Variants in YEATS2 observed in about 807,000 individuals in gnomAD.
The protein encoded by YEATS2 is YEATS domain-containing protein 2.
In YEATS2, 77 loss-of-function variants were observed where a neutral mutation model predicts 163.2. That is an observed-to-expected ratio of 0.47 (90% CI 0.39 to 0.57). YEATS2 has a LOEUF of 0.57. YEATS2 is among the 20% of genes least tolerant of loss of function. The pLI, the probability that YEATS2 is intolerant of heterozygous loss-of-function variation, is 0.00. For missense variants in YEATS2, 1,549 were observed against 1,729.8 expected (o/e 0.90, Z 1.85); for synonymous variants, 631 against 645.1 (o/e 0.98, Z 0.33).
chr3:183,729,271 CAA>C (rs879414886), intron 7 of YEATS2, among the ~76,000 whole-genome samples: 16 of 104,082 alleles, frequency 1.5e-4, no homozygotes, highest in Admixed American at 2.0e-4. Context: ...GACTCTGTCT[CAA>C]AAAAAAAAAA....
chr3:183,789,786 G>A (rs550362858), intron 20 of YEATS2, among the ~76,000 whole-genome samples: 9 of 151,496 alleles, frequency 5.9e-5, no homozygotes, highest in African/African-American at 1.9e-4. Flanking sequence ...TGATCCACCC[G>A]CTTTGGCCTC....
intron 11 of YEATS2, 146 bp downstream of exon 11, chr3:183,754,511 T>C: frequency 8.6e-7 from 1 of 1,166,342 alleles, no homozygotes; most frequent in Non-Finnish European, 1.1e-6. Context: ...TCACTGTTGA[T>C]TGGCAAAGCT....
rs142793414 is a variant in YEATS2 at position 183,789,693 on chromosome 3, G to A, written c.2914-1104G>A. 0.013 allele frequency among the ~76,000 whole-genome samples: 1,745 copies of A among 134,950 alleles called. 66 individuals are homozygous for A. The East Asian group carries it at 0.16, about 13-fold the overall frequency. 88.5% of individuals were successfully genotyped at this position (134,950 alleles called of 152,430 possible). A position where few individuals can be genotyped will look rare whatever the true frequency, so the allele number is the denominator to read the frequency against. On this transcript the variant is annotated intron_variant, in intron 20 of 30. Transcript: ENST00000305135. Reference sequence around the variant, plus strand: ...TGAGATTACAGGCACCCACCACCACGCCCAGCTAATTTTTTTTTTTTTGTA... The same window carrying A: ...TGAGATTACAGGCACCCACCACCACACCCAGCTAATTTTTTTTTTTTTGTA...
At chr3:183,758,506 T>C (rs1450452106) in intron 12 of YEATS2, among the ~76,000 whole-genome samples, 1 of 152,092 alleles carries the variant, frequency 6.6e-6, no homozygotes, top group Non-Finnish European at 1.5e-5. Context: ...GTATGAGGAG[T>C]AGAACATACA....
chr3:183,733,874 G>A (rs1052502408), intron 7 of YEATS2, among the ~76,000 whole-genome samples: 5 of 151,976 alleles, frequency 3.3e-5, no homozygotes, highest in African/African-American at 1.2e-4. Context: ...AGATAGTGGT[G>A]ACTAGATATG....
intron 15 of YEATS2, among the ~76,000 whole-genome samples, chr3:183,763,006 G>A (rs1375238853): frequency 1.3e-5 from 2 of 151,748 alleles, no homozygotes; most frequent in Non-Finnish European, 2.9e-5. Flanking sequence ...AGCTGAGATC[G>A]CGGCACTGCA....
Position 183,730,052 on chromosome 3 carries a change from G to GTTTTTTTTT in YEATS2, c.812+1228_812+1236dup, listed in dbSNP as rs869091775. Among the ~76,000 whole-genome samples, 53 of 41,712 alleles carry GTTTTTTTTT rather than the reference G, an allele frequency of 1.3e-3. 6 individuals are homozygous for GTTTTTTTTT. The highest frequency in any genetic ancestry group is 1.6e-3 in the Non-Finnish European group (37 of 22,806). 27.4% of individuals were successfully genotyped at this position (41,712 alleles called of 152,430 possible). Reference sequence around the variant, plus strand: ...ATATTAATTGTGTGGTTTTTTGTTTGTTTTTTTTTTTTTTTTTTTTTTTTT... The same window carrying GTTTTTTTTT: ...ATATTAATTGTGTGGTTTTTTGTTTGTTTTTTTTTTTTTTTTTTTTTTTTTTTTTTTTTT... On this transcript the variant is annotated intron_variant, in intron 7 of 30. Transcript: ENST00000305135.
chr3:183,722,276 ATCTTT>A, intron 5 of YEATS2, 140 bp downstream of exon 5: 2 of 584,270 alleles, frequency 3.4e-6, no homozygotes, highest in Non-Finnish European at 4.8e-6. Flanking sequence ...GGGAAACCAA[ATCTTT>A]TTTTTTTTTT....
In YEATS2 at chr3:183,806,831, C is replaced by T. The variant is rs768386745; in HGVS notation, c.3785-35C>T. On this transcript the variant is annotated intron_variant, in intron 27 of 30. Coordinates refer to ENST00000305135, the MANE Select transcript of YEATS2 (RefSeq NM_018023.5). ...ACGGAAAGTCCTCTTCCGTTGGCCCCACAGCTGTTGTAACACTGCTTGCCT... is the reference window on the plus strand; with the variant it reads ...ACGGAAAGTCCTCTTCCGTTGGCCCTACAGCTGTTGTAACACTGCTTGCCT... 2 of 1,610,572 alleles carry T rather than the reference C, an allele frequency of 1.2e-6. 1 individual carries two copies. Among genetic ancestry groups the T allele is most frequent in the South Asian group, 2.2e-5 (2 of 90,830 alleles).
chr3:183,701,461 A>C (rs1032275523), intron 1 of YEATS2, among the ~76,000 whole-genome samples: 66 of 152,104 alleles, frequency 4.3e-4, no homozygotes, highest in African/African-American at 1.5e-3. Context: ...GCCGTAGGTC[A>C]TTGCAGCCTT....
intron 9 of YEATS2, among the ~76,000 whole-genome samples, chr3:183,749,470 G>A (rs924380575): frequency 6.6e-6 from 1 of 151,978 alleles, no homozygotes; most frequent in Non-Finnish European, 1.5e-5. Context: ...GGCAACTGCT[G>A]CTCTACTTTC....
Position 183,810,717 on chromosome 3 carries a change from T to C in YEATS2, c.*134T>C. The C allele has an allele frequency of 1.4e-6, 1 of 711,696 alleles. No homozygotes were observed. Among genetic ancestry groups the C allele is most frequent in the Non-Finnish European group, 2.4e-6 (1 of 413,772 alleles). The allele number at this position is 711,696 out of a possible 1,614,324, so 44.1% of individuals were successfully genotyped here. A position where few individuals can be genotyped will look rare whatever the true frequency, so the allele number is the denominator to read the frequency against. ...TGGCTACCCAACCTTTGCCGCTGCCTGTTCCCACGTGTCACCAGCACGCTG... is the reference window on the plus strand; with the variant it reads ...TGGCTACCCAACCTTTGCCGCTGCCCGTTCCCACGTGTCACCAGCACGCTG... On this transcript the variant is annotated 3_prime_UTR_variant, in exon 31 of 31. Transcript: ENST00000305135.
intron 21 of YEATS2, chr3:183,793,557 A>AG (rs1724859856): frequency 2.1e-6 from 1 of 466,874 alleles, no homozygotes; most frequent in Non-Finnish European, 2.8e-6. Context: ...TGTAAGTTCT[A>AG]GTTTCCTAAG....
rs1368615169 is a variant in YEATS2, at chr3:183,807,098, G to T, written c.4011+6G>T. 1 of 1,610,278 alleles carries T rather than the reference G, an allele frequency of 6.2e-7. No homozygotes were observed. The highest frequency in any genetic ancestry group is 1.7e-5 in the Admixed American group (1 of 59,414). ...TTGGGGATGTCACACAGAAGGTAGG[G>T]GTTGTGGTGTTAATAGTTCATGCAG... On this transcript the variant is annotated splice_donor_region_variant and intron_variant, in intron 28 of 30. Coordinates refer to ENST00000305135, the MANE Select transcript of YEATS2 (RefSeq NM_018023.5).
At chr3:183,752,357 G>A (rs2109289709) in intron 10 of YEATS2, 104 bp downstream of exon 10, 2 of 1,362,538 alleles carry the variant, frequency 1.5e-6, no homozygotes, top group Non-Finnish European at 2.0e-6. Context: ...TGCTATAAGT[G>A]GACATGCTGC....
chr3:183,794,752 A>G (rs1308606176), intron 21 of YEATS2, among the ~76,000 whole-genome samples: 2 of 152,190 alleles, frequency 1.3e-5, no homozygotes, highest in Non-Finnish European at 2.9e-5. Flanking sequence ...GTAAGGGAAC[A>G]TCTGTATAGG....
At position 183,810,782 on chromosome 3, in the gene YEATS2, C is replaced by G. The variant is rs1370461425; in HGVS notation, c.*199C>G. The G allele has an allele frequency of 3.6e-6, 2 of 563,114 alleles. No homozygotes were observed. Among genetic ancestry groups the G allele is most frequent in the African/African-American group, 3.8e-5 (2 of 52,944 alleles). The allele number at this position is 563,114 out of a possible 1,614,324, so 34.9% of individuals were successfully genotyped here. A position where few individuals can be genotyped will look rare whatever the true frequency, so the allele number is the denominator to read the frequency against. ...TCCTCCTAGGACAGGAGTTTGTTTC[C>G]TGAGTGTGGAGTGAGGCTGTCAGTG... On this transcript the variant is annotated 3_prime_UTR_variant, in exon 31 of 31. Coordinates refer to ENST00000305135, the MANE Select transcript of YEATS2 (RefSeq NM_018023.5).
chr3:183,714,321 G>A (rs1441478877), intron 1 of YEATS2, among the ~76,000 whole-genome samples: 1 of 150,616 alleles, frequency 6.6e-6, no homozygotes, highest in East Asian at 2.0e-4. Context: ...TCAATCTCCC[G>A]AGTAGCTGGG....
chr3:183,807,091 AG>A lies in YEATS2; in HGVS notation c.4011+1del. On this transcript the variant is annotated frameshift_variant and splice_region_variant, in exon 28 of 31. Transcript: ENST00000305135. LOFTEE classifies it high-confidence loss of function. The part of the protein sequence containing the change: ...GSEFIGDVTQ[K>X]IGITLQPVAL... ...GAATTTATTGGGGATGTCACACAGA[AG>A]GTAGGGGTTGTGGTGTTAATAGTTC... The A allele has an allele frequency of 6.2e-7, 1 of 1,612,056 alleles. No individual in the cohort carries two copies. The highest frequency in any genetic ancestry group is 8.5e-7 in the Non-Finnish European group (1 of 1,179,222).
Sources: gnomAD v4.1 joint callset for allele counts (sites outside exome capture counted in the v4.1 genomes callset) on GRCh38, gnomAD v4.1.1 for gene constraint, MANE v1.5 for transcripts, NCBI Gene and HGNC (gene_info 2026-07-23, HGNC 2026-07-21) for gene names.